Variants in BDH1 observed in about 807,000 individuals in gnomAD.
BDH1 encodes D-beta-hydroxybutyrate dehydrogenase, mitochondrial.
Under a neutral mutation model 33.1 loss-of-function variants are expected in BDH1, and 30 were observed. The observed-to-expected ratio is 0.91, with a 90% CI of 0.68 to 1.23. The LOEUF (loss-of-function observed/expected upper bound fraction) is 1.23, where lower values mean the gene tolerates loss of function less well. Among genes scored for constraint, BDH1 ranks in the 50% most tolerant of loss-of-function variants. The probability of loss-of-function intolerance (pLI) is 0.00; values close to 1 mark genes in which losing one functional copy is unlikely to be tolerated. For synonymous variants in BDH1, 190 were observed against 183.6 expected (o/e 1.03, Z -0.28); for missense variants, 443 against 464.4 (o/e 0.95, Z 0.42).
chr3:197,535,364 G>T (rs914178718), intron 3 of BDH1, among the ~76,000 whole-genome samples: 1 of 152,172 alleles, frequency 6.6e-6, no homozygotes, highest in Admixed American at 6.5e-5. Flanking sequence ...AGCCTATGAC[G>T]TGCCTTTTTA....
At chr3:197,515,821 T>G in intron 6 of BDH1, 2 of 709,002 alleles carry the variant, frequency 2.8e-6, no homozygotes, top group Non-Finnish European at 3.5e-6. Flanking sequence ...GGAAAATCTC[T>G]TGAACCCAGG....
At chr3:197,565,085 G>C (rs1387984049) in intron 1 of BDH1, among the ~76,000 whole-genome samples, 1 of 152,072 alleles carries the variant, frequency 6.6e-6, no homozygotes, top group Non-Finnish European at 1.5e-5. Context: ...ACCACGCCTG[G>C]CTAATTTTGT....
Position 197,554,479 on chromosome 3 carries a change from G to A in BDH1, c.-44+83C>T, listed in dbSNP as rs1191454943. On this transcript the variant is annotated intron_variant, in intron 2 of 7. Coordinates refer to ENST00000392379, the MANE Select transcript of BDH1 (RefSeq NM_203314.3). This position sits in a 1 kb window ranked among gnomAD's most constrained non-coding sequence, Gnocchi z 4.4. ...TATGAAAGCTTCACAAATTTCAAGG[G>A]TCAGCTTCCTTGGCGGCCAGGGATA... 1 of 152,216 alleles carries A rather than the reference G, an allele frequency of 6.6e-6. No homozygotes were observed. The highest frequency in any genetic ancestry group is 1.5e-5 in the Non-Finnish European group (1 of 68,056). 9.4% of individuals were successfully genotyped at this position (152,216 alleles called of 1,614,324 possible).
At chr3:197,519,675 T>G (rs1713311134) in intron 6 of BDH1, among the ~76,000 whole-genome samples, 1 of 151,772 alleles carries the variant, frequency 6.6e-6, no homozygotes, top group African/African-American at 2.4e-5. Flanking sequence ...AAAAAATTAA[T>G]TAATTAATTA....
chr3:197,532,371 T>C (rs756524548), intron 5 of BDH1, 41 bp downstream of exon 5: 1 of 1,543,514 alleles, frequency 6.5e-7, no homozygotes, highest in Admixed American at 1.7e-5. Context: ...ACAATGACTA[T>C]GTGTAAAAGA....
chr3:197,510,179 G>A lies in BDH1; in HGVS notation c.*1716C>T, dbSNP rs923417950. The A allele has an allele frequency of 6.6e-6, 1 of 152,316 alleles. No homozygotes were observed. Among genetic ancestry groups the A allele is most frequent in the African/African-American group, 2.4e-5 (1 of 41,472 alleles). 9.4% of individuals were successfully genotyped at this position (152,316 alleles called of 1,614,324 possible). A position where few individuals can be genotyped will look rare whatever the true frequency, so the allele number is the denominator to read the frequency against. On this transcript the variant is annotated 3_prime_UTR_variant, in exon 8 of 8. Transcript: ENST00000392379. ...CAGCTGCTAGGAGAGCGAGAACACTGTTTCTGAAGGGTGCTGCTTGCTTCT... is the reference window on the plus strand; with the variant it reads ...CAGCTGCTAGGAGAGCGAGAACACTATTTCTGAAGGGTGCTGCTTGCTTCT...
Position 197,514,538 on chromosome 3 carries a change from G to A in BDH1, c.410-122C>T. On this transcript the variant is annotated intron_variant, in intron 6 of 7. Transcript: ENST00000392379. This position sits in a 1 kb window ranked among gnomAD's most constrained non-coding sequence, Gnocchi z 4.2. ...GTGACTTCCCAGCCTCTCGCCCAGT[G>A]CTCTCAAGAAACTTTCTAGAGTCAC... is the stretch of plus-strand genomic sequence containing the variant. 8.4e-7 allele frequency: 1 copy of A among 1,192,468 alleles called. No homozygotes were observed. Among genetic ancestry groups the A allele is most frequent in the Non-Finnish European group, 1.2e-6 (1 of 861,384 alleles). The allele number at this position is 1,192,468 out of a possible 1,614,324, so 73.9% of individuals were successfully genotyped here.
At chr3:197,515,948 C>T (rs1712680726) in intron 6 of BDH1, 1 of 154,220 alleles carries the variant, frequency 6.5e-6, no homozygotes, top group Non-Finnish European at 1.4e-5. Flanking sequence ...CTCCATCTCC[C>T]TTCCATACCA....
At chr3:197,556,863 A>C (rs1408078559), upstream of BDH1, among the ~76,000 whole-genome samples, 1 of 152,114 alleles carries the variant, frequency 6.6e-6, no homozygotes, top group Non-Finnish European at 1.5e-5. Context: ...GGCTGAGGAG[A>C]GAAGACACCA....
At chr3:197,543,088 A>C in intron 3 of BDH1, 1 of 985,266 alleles carries the variant, frequency 1.0e-6, no homozygotes, top group Non-Finnish European at 1.2e-6. Flanking sequence ...TGTGCCTTTT[A>C]TTGTCCCCAT....
intron 6 of BDH1, among the ~76,000 whole-genome samples, chr3:197,519,556 C>T (rs1243914674): frequency 6.6e-6 from 1 of 151,668 alleles, no homozygotes; most frequent in African/African-American, 2.4e-5. Flanking sequence ...CCCAGCTCCT[C>T]GGGAGGCTGA....
Position 197,521,998 on chromosome 3 carries a change from C to A in BDH1, c.409+642G>T, listed in dbSNP as rs11924089. ...GGGATCCAAGACCTCCCTCCCCAACCTCCTTTGCTGCCACCCCCTCTGCGT... is the reference window on the plus strand; with the variant it reads ...GGGATCCAAGACCTCCCTCCCCAACATCCTTTGCTGCCACCCCCTCTGCGT... On this transcript the variant is annotated intron_variant, in intron 6 of 7. Coordinates refer to ENST00000392379, the MANE Select transcript of BDH1 (RefSeq NM_203314.3). The surrounding 1 kb of genome is among the most constrained non-coding windows in gnomAD (Gnocchi z 4.9). Among the ~76,000 whole-genome samples the A allele has an allele frequency of 0.017, 2,615 of 152,230 alleles. 91 individuals are homozygous for A. The highest frequency in any genetic ancestry group is 0.054 in the African/African-American group (2,261 of 41,492).
rs35012311 is a variant in BDH1, at chr3:197,510,596, AGG to A, written c.*1297_*1298del. ...AGGCCACGCTGAAGCCCTGCAGAAC[AGG>A]GGTGTGTGTGTGTGTGTGTGTGTGT... On this transcript the variant is annotated 3_prime_UTR_variant, in exon 8 of 8. Transcript: ENST00000392379. 2 of 76,926 alleles carry A rather than the reference AGG, an allele frequency of 2.6e-5. No individual in the cohort carries two copies. The highest frequency in any genetic ancestry group is 5.5e-4 in the South Asian group (1 of 1,808). The allele number at this position is 76,926 out of a possible 1,614,324, so 4.8% of individuals were successfully genotyped here. A position where few individuals can be genotyped will look rare whatever the true frequency, so the allele number is the denominator to read the frequency against.
At position 197,546,008 on chromosome 3, in the gene BDH1, G is replaced by A. The variant is rs1186253066; in HGVS notation, c.83+353C>T. Reference sequence around the variant, plus strand: ...AAAAATTAGCTGGGCATGGTGGCAGGTGCCTGTAATCCCAGCTACTCAGGA... The same window carrying A: ...AAAAATTAGCTGGGCATGGTGGCAGATGCCTGTAATCCCAGCTACTCAGGA... On this transcript the variant is annotated intron_variant, in intron 3 of 7. Transcript: ENST00000392379. The A allele has an allele frequency of 1.8e-5, 3 of 168,234 alleles. No homozygotes were observed. The East Asian group carries it at 4.9e-4, about 27-fold the overall frequency. The allele number at this position is 168,234 out of a possible 1,614,324, so 10.4% of individuals were successfully genotyped here. A position where few individuals can be genotyped will look rare whatever the true frequency, so the allele number is the denominator to read the frequency against.
At chr3:197,542,999 C>T (rs1242344483) in intron 3 of BDH1, 2 of 985,430 alleles carry the variant, frequency 2.0e-6, no homozygotes, top group East Asian at 1.1e-4. Context: ...CTGGTCATCC[C>T]GGCCGCATTT....
chr3:197,549,468 G>A (rs1319938631), intron 2 of BDH1, among the ~76,000 whole-genome samples: 3 of 152,190 alleles, frequency 2.0e-5, no homozygotes, highest in African/African-American at 7.2e-5. Context: ...CAGCAGCAGG[G>A]GCTCCCCTCA....
At chr3:197,512,827 C>T (rs1002027438) in intron 7 of BDH1, among the ~76,000 whole-genome samples, 17 of 152,174 alleles carry the variant, frequency 1.1e-4, no homozygotes, top group Admixed American at 5.2e-4. Flanking sequence ...AGTAGTACGA[C>T]GTGCAGATAA....
In BDH1 at chr3:197,554,640, T is replaced by C. The variant is rs1377738373; in HGVS notation, c.-122A>G. 1 of 152,068 alleles carries C rather than the reference T, an allele frequency of 6.6e-6. No homozygotes were observed. Among genetic ancestry groups the C allele is most frequent in the African/African-American group, 2.4e-5 (1 of 41,388 alleles). The allele number at this position is 152,068 out of a possible 1,614,324, so 9.4% of individuals were successfully genotyped here. ...CCCTCCATAGTGAAATATGTGCTTC[T>C]GCAACCCCTCAAAGTAGGAACTGCA... On this transcript the variant is annotated 5_prime_UTR_variant, in exon 2 of 8. Transcript: ENST00000392379. The surrounding 1 kb of genome is among the most constrained non-coding windows in gnomAD (Gnocchi z 4.4).
At chr3:197,531,586 C>A (rs576992470) in intron 5 of BDH1, among the ~76,000 whole-genome samples, 1 of 151,938 alleles carries the variant, frequency 6.6e-6, no homozygotes, top group South Asian at 2.1e-4. Flanking sequence ...AGAAGTGTGG[C>A]ACAAAAGGCC....
Sources: gnomAD v4.1 joint callset for allele counts (sites outside exome capture counted in the v4.1 genomes callset) on GRCh38, gnomAD v4.1.1 for gene constraint, Gnocchi (gnomAD v3.1) non-coding constraint, MANE v1.5 for transcripts, NCBI Gene and HGNC (gene_info 2026-07-23, HGNC 2026-07-21) for gene names.